NME7: variants seen among roughly 807,000 people sequenced by gnomAD.
The protein encoded by NME7 is NME/NM23 family member 7.
In NME7, 41 loss-of-function variants were observed where a neutral mutation model predicts 49.1. The observed-to-expected ratio is 0.83, with a 90% CI of 0.65 to 1.08. The LOEUF (loss-of-function observed/expected upper bound fraction) is 1.08. NME7 is among the 50% of genes least tolerant of loss of function. The pLI, the probability that NME7 is intolerant of heterozygous loss-of-function variation, is 0.00. For synonymous variants in NME7, 139 were observed against 150.6 expected, an observed-to-expected ratio of 0.92 and a Z score of 0.56; for missense variants, 423 against 463.4, an observed-to-expected ratio of 0.91 and a Z score of 0.80.
At chr1:169,350,219 G>A (rs1653105253) in intron 1 of NME7, among the ~76,000 whole-genome samples, 3 of 55,342 alleles carry the variant, frequency 5.4e-5, no homozygotes, top group African/African-American at 2.2e-4. Context: ...GAAAGAAAGG[G>A]AGAAAAGAAA....
At chr1:169,298,785 A>T in intron 5 of NME7, 22 bp from the exon 6 acceptor site, 1 of 1,597,254 alleles carries the variant, frequency 6.3e-7, no homozygotes, top group Non-Finnish European at 8.6e-7. Context: ...ATAGAAGATT[A>T]GTTTGCTTCT....
chr1:169,178,288 CA>C (rs1201870404), intron 10 of NME7, among the ~76,000 whole-genome samples: 2 of 152,174 alleles, frequency 1.3e-5, no homozygotes, highest in African/African-American at 4.8e-5. Context: ...ATTCCCCAGA[CA>C]CATTTTTGGC....
At chr1:169,341,816 T>A (rs1652714894) in intron 1 of NME7, among the ~76,000 whole-genome samples, 1 of 152,214 alleles carries the variant, frequency 6.6e-6, no homozygotes, top group African/African-American at 2.4e-5. Context: ...TGGACTTGTA[T>A]AGGGCCTGTG....
intron 3 of NME7, among the ~76,000 whole-genome samples, chr1:169,317,818 A>C (rs779186482): frequency 2.0e-5 from 3 of 152,172 alleles, no homozygotes; most frequent in Non-Finnish European, 2.9e-5. Context: ...TGAGTAAAGT[A>C]ACTTCTATCC....
chr1:169,270,325 A>C (rs927778604), intron 7 of NME7, among the ~76,000 whole-genome samples: 2 of 133,750 alleles, frequency 1.5e-5, no homozygotes, highest in Non-Finnish European at 3.5e-5. Context: ...CAAGTATAAA[A>C]GCCACTCTCC....
At chr1:169,242,894 G>T (rs1048868545) in intron 7 of NME7, among the ~76,000 whole-genome samples, 2 of 151,946 alleles carry the variant, frequency 1.3e-5, no homozygotes, top group African/African-American at 4.8e-5. Context: ...ACTACAAAAT[G>T]CTGGATGAAA....
At chr1:169,182,750 T>C (rs867676658) in intron 10 of NME7, among the ~76,000 whole-genome samples, 1 of 152,178 alleles carries the variant, frequency 6.6e-6, no homozygotes. Context: ...TTGAATAAAA[T>C]ATTAATGATT....
At position 169,267,844 on chromosome 1, in the gene NME7, G is replaced by A. The variant is rs1261557266; in HGVS notation, c.754+19459C>T. Among the ~76,000 whole-genome samples, 3 of 133,016 alleles carry A rather than the reference G, an allele frequency of 2.3e-5. 1 individual carries two copies. In the East Asian group the frequency reaches 6.0e-4, roughly 26 times the overall value. 87.3% of individuals were successfully genotyped at this position (133,016 alleles called of 152,430 possible). A position where few individuals can be genotyped will look rare whatever the true frequency, so the allele number is the denominator to read the frequency against. Reference sequence around the variant, plus strand: ...TAAAACCTAAATAAAAACCCTAAAGGATAACCTAGGAAATATCATTTTGTA... The same window carrying A: ...TAAAACCTAAATAAAAACCCTAAAGAATAACCTAGGAAATATCATTTTGTA... On this transcript the variant is annotated intron_variant, in intron 7 of 11. Coordinates refer to ENST00000367811, the MANE Select transcript of NME7 (RefSeq NM_013330.5).
At chr1:169,346,124 A>G (rs1330552066) in intron 1 of NME7, among the ~76,000 whole-genome samples, 1 of 152,172 alleles carries the variant, frequency 6.6e-6, no homozygotes, top group East Asian at 1.9e-4. Context: ...TTATAGCCTC[A>G]TAACTAACCT....
chr1:169,268,857 G>C lies in NME7; in HGVS notation c.754+18446C>G, dbSNP rs1210457187. On this transcript the variant is annotated intron_variant, in intron 7 of 11. Coordinates refer to ENST00000367811, the MANE Select transcript of NME7 (RefSeq NM_013330.5). ...CTACAGAGTACTGTGCTTGGTAATG[G>C]GGTGACGAAATAATCTGTTAACTAA... Among the ~76,000 whole-genome samples, 4 of 132,902 alleles carry C rather than the reference G, an allele frequency of 3.0e-5. 1 individual carries two copies. The South Asian group carries it at 9.2e-4, about 31-fold the overall frequency. The allele number at this position is 132,902 out of a possible 152,430, so 87.2% of individuals were successfully genotyped here.
intron 7 of NME7, among the ~76,000 whole-genome samples, chr1:169,250,152 G>A (rs1648500907): frequency 6.6e-6 from 1 of 151,846 alleles, no homozygotes; most frequent in South Asian, 2.1e-4. Context: ...CAATCGCACT[G>A]CTTGTTCTTG....
At position 169,266,601 on chromosome 1, in the gene NME7, G is replaced by A. The variant is rs1477269455; in HGVS notation, c.754+20702C>T. Among the ~76,000 whole-genome samples, 3 of 133,404 alleles carry A rather than the reference G, an allele frequency of 2.2e-5. 1 individual carries two copies. The East Asian group carries it at 5.9e-4, about 26-fold the overall frequency. 87.5% of individuals were successfully genotyped at this position (133,404 alleles called of 152,430 possible). ...CATAGTATTCGAAGTCCTGGCCAGA[G>A]CAATCAGGCAAGAGAAAGATATAAA... On this transcript the variant is annotated intron_variant, in intron 7 of 11. Transcript: ENST00000367811.
intron 1 of NME7, among the ~76,000 whole-genome samples, chr1:169,358,016 T>A (rs957817259): frequency 3.9e-5 from 6 of 152,086 alleles, no homozygotes; most frequent in Non-Finnish European, 7.4e-5. Context: ...CCCTCCCTTT[T>A]ACCAGCTTTT....
chr1:169,166,570 A>G (rs1401917717), intron 11 of NME7, among the ~76,000 whole-genome samples: 1 of 152,232 alleles, frequency 6.6e-6, no homozygotes, highest in African/African-American at 2.4e-5. Context: ...GAAACTCACT[A>G]TTACAGATAT....
chr1:169,238,529 C>T lies in NME7; in HGVS notation c.755-842G>A, dbSNP rs189188137. Among the ~76,000 whole-genome samples the T allele has an allele frequency of 4.4e-3, 657 of 148,836 alleles. 4 individuals are homozygous for T. Among genetic ancestry groups the T allele is most frequent in the African/African-American group, 0.016 (635 of 40,230 alleles). ...CACACACACACACCATATTCTGGAT[C>T]ATCTGGATCTTACCGAGTGACCCTA... is the stretch of plus-strand genomic sequence containing the variant. On this transcript the variant is annotated intron_variant, in intron 7 of 11. Transcript: ENST00000367811.
In NME7 at chr1:169,289,567, C is replaced by G. The variant is rs116268260; in HGVS notation, c.649-2159G>C. On this transcript the variant is annotated intron_variant, in intron 6 of 11. Coordinates refer to ENST00000367811, the MANE Select transcript of NME7 (RefSeq NM_013330.5). ...AAAAACCATGTACTTTTTCTATTATCTGTCTTTCCAAAGTAAAAAGCAGTG... is the reference window on the plus strand; with the variant it reads ...AAAAACCATGTACTTTTTCTATTATGTGTCTTTCCAAAGTAAAAAGCAGTG... Among the ~76,000 whole-genome samples, 303 of 152,084 alleles carry G rather than the reference C, an allele frequency of 2.0e-3. 4 individuals carry two copies. The highest frequency in any genetic ancestry group is 7.1e-3 in the African/African-American group (294 of 41,408).
At chr1:169,145,849 C>A (rs1397966441) in intron 11 of NME7, among the ~76,000 whole-genome samples, 1 of 152,126 alleles carries the variant, frequency 6.6e-6, no homozygotes, top group East Asian at 1.9e-4. Context: ...ACAGTGCATA[C>A]CACAAGAGAT....
In NME7 at chr1:169,298,768, A is replaced by T; in HGVS notation, c.441-5T>A. 6.2e-7 allele frequency: 1 copy of T among 1,611,546 alleles called. No individual in the cohort carries two copies. The highest frequency in any genetic ancestry group is 2.2e-5 in the East Asian group (1 of 44,852). Reference sequence around the variant, plus strand: ...GTAATAAACTGGATCAGCTCACTACAAAACAGATAGAAGATTAGTTTGCTT... The same window carrying T: ...GTAATAAACTGGATCAGCTCACTACTAAACAGATAGAAGATTAGTTTGCTT... On this transcript the variant is annotated splice_region_variant and splice_polypyrimidine_tract_variant and intron_variant, in intron 5 of 11. Transcript: ENST00000367811.
chr1:169,317,462 GC>G (rs1424414909), intron 3 of NME7, among the ~76,000 whole-genome samples: 3 of 152,212 alleles, frequency 2.0e-5, no homozygotes, highest in African/African-American at 7.2e-5. Context: ...ATAATCAATA[GC>G]ATGCCATCTT....
Sources: gnomAD v4.1 joint callset for allele counts (sites outside exome capture counted in the v4.1 genomes callset) on GRCh38, gnomAD v4.1.1 for gene constraint, MANE v1.5 for transcripts, NCBI Gene and HGNC (gene_info 2026-07-23, HGNC 2026-07-21) for gene names.